CACNA1B: variants seen among roughly 807,000 people sequenced by gnomAD.
CACNA1B encodes the protein calcium voltage-gated channel subunit alpha1 B.
Under a neutral mutation model 247.2 loss-of-function variants are expected in CACNA1B, and 70 were observed. The ratio of observed to expected loss-of-function variants is 0.28; its 90% CI spans 0.23 to 0.35. The LOEUF is 0.35. CACNA1B is among the 10% of genes least tolerant of loss of function. CACNA1B has a pLI of 1.00. For missense variants in CACNA1B, 2,367 were observed against 3,197.4 expected (o/e 0.74, Z 6.26); for synonymous variants, 1,231 against 1,294.4 (o/e 0.95, Z 1.05).
intron 38 of CACNA1B, among the ~76,000 whole-genome samples, chr9:138,103,730 C>T (rs1030254414): frequency 7.9e-5 from 12 of 152,246 alleles, no homozygotes; most frequent in African/African-American, 2.9e-4. Context: ...CCAACACGTG[C>T]CTAGAGCTTT....
At position 138,112,462 on chromosome 9, in the gene CACNA1B, T is replaced by C. The variant is rs779372367; in HGVS notation, c.5493T>C (p.Asn1831=). The C allele has an allele frequency of 6.2e-7, 1 of 1,613,614 alleles. No individual in the cohort carries two copies. Among genetic ancestry groups the C allele is most frequent in the Non-Finnish European group, 8.5e-7 (1 of 1,179,550 alleles). The stretch of plus-strand genomic sequence containing the variant: ...AGGAGATTTCCGTTGTGTGGGCCAA[T>C]CTGCCCCAGAAGACTTTGGACTTGC... ...LRKEISVVWA[N]LPQKTLDLLV... Residue 1831 remains asparagine, a synonymous_variant, in exon 40 of 47, where the codon AAT becomes AAC. Transcript: ENST00000371372.
intron 37 of CACNA1B, among the ~76,000 whole-genome samples, chr9:138,101,791 A>G (rs896942284): frequency 6.6e-6 from 1 of 152,230 alleles, no homozygotes; most frequent in Non-Finnish European, 1.5e-5. Flanking sequence ...TCTGCCAGGA[A>G]GAGGCTGTCC....
At chr9:138,049,488 A>G (rs1289147654) in intron 24 of CACNA1B, among the ~76,000 whole-genome samples, 173 bp downstream of exon 24, 1 of 152,034 alleles carries the variant, frequency 6.6e-6, no homozygotes, top group Non-Finnish European at 1.5e-5. Context: ...GCGTGGGGTT[A>G]GGAGGGCATG....
At position 137,882,121 on chromosome 9, in the gene CACNA1B, C is replaced by T. The variant is rs938700633; in HGVS notation, c.391-623C>T. Among the ~76,000 whole-genome samples the T allele has an allele frequency of 2.0e-5, 3 of 152,126 alleles. No individual in the cohort carries two copies. The highest frequency in any genetic ancestry group is 7.2e-5 in the African/African-American group (3 of 41,446). On this transcript the variant is annotated intron_variant, in intron 2 of 46. Transcript: ENST00000371372. This position sits in a 1 kb window ranked among gnomAD's most constrained non-coding sequence, Gnocchi z 4.0. Reference sequence around the variant, plus strand: ...TTCTGTTGTTTTCTGCCGAGATGTGCATGTTCTGGTTACCCGGGTGCATGT... The same window carrying T: ...TTCTGTTGTTTTCTGCCGAGATGTGTATGTTCTGGTTACCCGGGTGCATGT...
intron 31 of CACNA1B, among the ~76,000 whole-genome samples, chr9:138,066,578 G>T (rs550018797): frequency 1.3e-5 from 2 of 152,246 alleles, no homozygotes; most frequent in East Asian, 3.9e-4. Context: ...GCGATCACAG[G>T]GCCTGTGTGG....
intron 35 of CACNA1B, among the ~76,000 whole-genome samples, chr9:138,076,894 G>T (rs1436348163): frequency 6.6e-6 from 1 of 152,220 alleles, no homozygotes; most frequent in African/African-American, 2.4e-5. Flanking sequence ...TTAGACTCTT[G>T]TTTCTTTGCA....
chr9:138,121,968 A>C lies in CACNA1B; in HGVS notation c.6989A>C (p.Tyr2330Ser), dbSNP rs529773554. Residue 2330 changes from tyrosine to serine, a missense_variant, in exon 47 of 47, where the codon TAC (tyrosine) becomes TCC (serine). Physicochemically the swap from Tyr to Ser is moderately radical, Grantham distance 144. Transcript: ENST00000371372. This position sits in a 1 kb window ranked among gnomAD's most constrained non-coding sequence, Gnocchi z 6.8. ...LSSGGRARHS[Y>S]HHPDQDHWC ...TCGGGTGGCCGAGCACGGCACAGCT[A>C]CCACCACCCTGACCAAGACCACTGG... The C allele has an allele frequency of 6.2e-7, 1 of 1,601,798 alleles. No individual in the cohort carries two copies. The highest frequency in any genetic ancestry group is 1.3e-5 in the African/African-American group (1 of 75,034).
chr9:138,072,655 G>A lies in CACNA1B; in HGVS notation c.4675-833G>A, dbSNP rs1960172738. 6.6e-6 allele frequency among the ~76,000 whole-genome samples: 1 copy of A among 152,188 alleles called. No individual in the cohort carries two copies. Among genetic ancestry groups the A allele is most frequent in the African/African-American group, 2.4e-5 (1 of 41,464 alleles). On this transcript the variant is annotated intron_variant, in intron 32 of 46. Transcript: ENST00000371372. The surrounding 1 kb of genome is among the most constrained non-coding windows in gnomAD (Gnocchi z 4.5). ...TCCACAAGCACCCCCATCTGTGCAC[G>A]GACACCTCCCCAGAGCCTGCTTCCC...
Position 138,122,094 on chromosome 9 carries a change from G to C in CACNA1B, c.*95G>C. 8.4e-7 allele frequency: 1 copy of C among 1,187,000 alleles called. No homozygotes were observed. The highest frequency in any genetic ancestry group is 1.2e-6 in the Non-Finnish European group (1 of 865,364). The allele number at this position is 1,187,000 out of a possible 1,614,324, so 73.5% of individuals were successfully genotyped here. On this transcript the variant is annotated 3_prime_UTR_variant, in exon 47 of 47. Coordinates refer to ENST00000371372, the MANE Select transcript of CACNA1B (RefSeq NM_000718.4). ...CACGGGGCAGCCGGCCCTCGGGGGA[G>C]GCCTTGCCCACCTTGGTGAGGCTCC...
chr9:137,972,387 G>C (rs1344147934), intron 11 of CACNA1B, among the ~76,000 whole-genome samples: 1 of 152,130 alleles, frequency 6.6e-6, no homozygotes, highest in Non-Finnish European at 1.5e-5. Context: ...TCTGGAGACA[G>C]GGCCTGTTTG....
chr9:137,946,602 G>GA (rs377113014), intron 6 of CACNA1B, among the ~76,000 whole-genome samples: 3,310 of 135,252 alleles, frequency 0.024, 79 homozygotes, highest in African/African-American at 0.064. Context: ...GAAAAACTGA[G>GA]AAAAAAAAAA....
chr9:138,108,113 G>A (rs965044855), intron 39 of CACNA1B, among the ~76,000 whole-genome samples: 1 of 151,326 alleles, frequency 6.6e-6, no homozygotes, highest in Non-Finnish European at 1.5e-5. Flanking sequence ...GAGGGAGGAG[G>A]ATCACTTGAG....
Position 138,102,707 on chromosome 9 carries a change from C to T in CACNA1B, c.5223-4C>T. ...GCCCTGGCCTCGCTGGGACGGGTTT[C>T]CAGTGGGCGCATCAGTTACAATGAC... is the stretch of plus-strand genomic sequence containing the variant. On this transcript the variant is annotated splice_region_variant and splice_polypyrimidine_tract_variant and intron_variant, in intron 37 of 46. Transcript: ENST00000371372. This position sits in a 1 kb window ranked among gnomAD's most constrained non-coding sequence, Gnocchi z 5.4. 6.3e-7 allele frequency: 1 copy of T among 1,596,866 alleles called. No homozygotes were observed. Among genetic ancestry groups the T allele is most frequent in the South Asian group, 1.1e-5 (1 of 90,174 alleles).
rs944571734 is a variant in CACNA1B, at chr9:138,057,676, G to A, written c.3969-56G>A. 2 of 1,543,236 alleles carry A rather than the reference G, an allele frequency of 1.3e-6. No individual in the cohort carries two copies. Among genetic ancestry groups the A allele is most frequent in the Admixed American group, 1.8e-5 (1 of 56,834 alleles). On this transcript the variant is annotated intron_variant, in intron 26 of 46. Transcript: ENST00000371372. This position sits in a 1 kb window ranked among gnomAD's most constrained non-coding sequence, Gnocchi z 4.0. Reference sequence around the variant, plus strand: ...AATGGTTTCAACACTCTTGATAGGTGGGTTTATTTGGATCTTTTGTCTTTG... The same window carrying A: ...AATGGTTTCAACACTCTTGATAGGTAGGTTTATTTGGATCTTTTGTCTTTG...
At position 138,052,280 on chromosome 9, in the gene CACNA1B, A is replaced by AGT. The variant is rs1291464470; in HGVS notation, c.3807+103_3807+104dup. On this transcript the variant is annotated intron_variant, in intron 25 of 46. Transcript: ENST00000371372. This position sits in a 1 kb window ranked among gnomAD's most constrained non-coding sequence, Gnocchi z 5.1. ...TGTGTGTGTATGCATGCAGTGCATG[A>AGT]GTGTGTGTGTGTTCACATCACACCC... 8.0e-6 allele frequency: 5 copies of AGT among 624,782 alleles called. No homozygotes were observed. Among genetic ancestry groups the AGT allele is most frequent in the Non-Finnish European group, 1.1e-5 (4 of 369,156 alleles). The allele number at this position is 624,782 out of a possible 1,614,324, so 38.7% of individuals were successfully genotyped here. A position where few individuals can be genotyped will look rare whatever the true frequency, so the allele number is the denominator to read the frequency against.
chr9:137,972,561 C>G (rs992272358), intron 11 of CACNA1B, among the ~76,000 whole-genome samples: 1 of 152,156 alleles, frequency 6.6e-6, no homozygotes, highest in African/African-American at 2.4e-5. Flanking sequence ...CACCAGGGCT[C>G]TAGCCGGCCG....
intron 44 of CACNA1B, among the ~76,000 whole-genome samples, chr9:138,119,297 T>A (rs139856993): frequency 0.011 from 1,628 of 152,220 alleles, 11 homozygotes; most frequent in Admixed American, 0.017. Context: ...AAGAGGAAGC[T>A]CTGGCCCCAT....
intron 5 of CACNA1B, among the ~76,000 whole-genome samples, chr9:137,915,532 G>A (rs534339205): frequency 1.4e-4 from 21 of 152,228 alleles, no homozygotes; most frequent in African/African-American, 4.6e-4. Context: ...TACAAACTTA[G>A]TAAAGGAGAA....
At chr9:138,087,251 G>A (rs536538385) in intron 36 of CACNA1B, among the ~76,000 whole-genome samples, 1 of 149,760 alleles carries the variant, frequency 6.7e-6, no homozygotes, top group Non-Finnish European at 1.5e-5. Context: ...CGGGCATGGT[G>A]GTGGGTGCCT....
Sources: allele counts gnomAD v4.1 joint callset (sites outside exome capture counted in the v4.1 genomes callset), GRCh38; gene constraint gnomAD v4.1.1; non-coding constraint Gnocchi (gnomAD v3.1); transcripts MANE v1.5; gene names NCBI Gene and HGNC (gene_info 2026-07-23, HGNC 2026-07-21).